The following KTN1 variants were observed in gnomAD, a reference collection of about 807,000 sequenced individuals.
The protein encoded by KTN1 is kinectin.
A neutral mutation model predicts 222.5 loss-of-function variants in KTN1; 130 were observed. The observed-to-expected ratio is 0.58, with a 90% CI of 0.51 to 0.68. The LOEUF (loss-of-function observed/expected upper bound fraction) is 0.68. KTN1 is among the 30% of genes least tolerant of loss of function. KTN1 has a pLI of 0.00. For synonymous variants in KTN1, 512 were observed against 496.3 expected, an observed-to-expected ratio of 1.03 and a Z score of -0.42; for missense variants, 1,508 against 1,500.4, an observed-to-expected ratio of 1.01 and a Z score of -0.08.
At chr14:55,630,225 C>G in intron 7 of KTN1, 128 bp downstream of exon 7, 1 of 811,598 alleles carries the variant, frequency 1.2e-6, no homozygotes, top group Non-Finnish European at 2.0e-6. Context: ...GAAGTTCACT[C>G]TGCGTCCTAA....
chr14:55,641,176 C>A lies in KTN1; in HGVS notation c.2071C>A (p.His691Asn). The A allele has an allele frequency of 2.5e-6, 4 of 1,597,778 alleles. No homozygotes were observed. ...KIRLLEEQLQ[H>N]EISNKMEEFK... is the part of the protein sequence containing the mutation. ...AAGATTGCTGGAAGAGCAACTACAA[C>A]ATGAAATTTCAAACAAAATGGAAGA... The change falls in exon 17 of 44, where the codon CAT (histidine) becomes AAT (asparagine). Residue 691 changes from histidine (H) to asparagine (N), a missense_variant. By Grantham distance (68) the His-to-Asn change is moderately conservative. Transcript: ENST00000395314.
chr14:55,678,215 A>G (rs967978137), intron 41 of KTN1, 137 bp from the exon 42 acceptor site: 15 of 594,366 alleles, frequency 2.5e-5, no homozygotes, highest in East Asian at 2.0e-4. Flanking sequence ...GGGTGAAGCT[A>G]TTTTCATTTT....
intron 1 of KTN1, among the ~76,000 whole-genome samples, chr14:55,597,822 C>G (rs190829534): frequency 6.6e-6 from 1 of 151,856 alleles, no homozygotes; most frequent in Admixed American, 6.6e-5. Flanking sequence ...CCACTGCATT[C>G]CAGTCTAGGC....
intron 35 of KTN1, 134 bp from the exon 36 acceptor site, chr14:55,671,432 G>T: frequency 1.6e-6 from 1 of 617,538 alleles, no homozygotes; most frequent in Non-Finnish European, 2.8e-6. Context: ...ACTTAGAAAG[G>T]TTGAAATGTA....
At chr14:55,656,946 A>T (rs2043547444) in intron 29 of KTN1, among the ~76,000 whole-genome samples, 3 of 152,184 alleles carry the variant, frequency 2.0e-5, no homozygotes. Context: ...TTTGTTTGTT[A>T]AAAGAGATAG....
intron 5 of KTN1, among the ~76,000 whole-genome samples, chr14:55,621,335 A>G (rs1594895781): frequency 6.6e-6 from 1 of 152,284 alleles, no homozygotes; most frequent in East Asian, 1.9e-4. Context: ...GTAAAGTCAC[A>G]TCCACATTTT....
At chr14:55,644,184 G>T in intron 18 of KTN1, 9 of 405,082 alleles carry the variant, frequency 2.2e-5, no homozygotes, top group East Asian at 7.4e-5. Flanking sequence ...TATTGTTGCT[G>T]CTAGTGAAAG....
chr14:55,677,602 A>G (rs1179255778), intron 41 of KTN1, among the ~76,000 whole-genome samples: 1 of 152,224 alleles, frequency 6.6e-6, no homozygotes, highest in Non-Finnish European at 1.5e-5. Context: ...AGGGATCTAA[A>G]CTAGGGGTGG....
intron 5 of KTN1, among the ~76,000 whole-genome samples, chr14:55,620,971 A>G (rs2039057665): frequency 6.6e-6 from 1 of 151,972 alleles, no homozygotes; most frequent in African/African-American, 2.4e-5. Flanking sequence ...CCCTCTTAAA[A>G]CTGAATGCTG....
chr14:55,582,533 GACACGTAGAAT>G (rs2031931385), intron 1 of KTN1, among the ~76,000 whole-genome samples: 1 of 152,126 alleles, frequency 6.6e-6, no homozygotes, highest in Non-Finnish European at 1.5e-5. Flanking sequence ...TGGTTAAGAT[GACACGTAGAAT>G]ACTGAATCAT....
At chr14:55,664,322 G>A (rs960924187) in intron 33 of KTN1, among the ~76,000 whole-genome samples, 1 of 152,082 alleles carries the variant, frequency 6.6e-6, no homozygotes, top group African/African-American at 2.4e-5. Flanking sequence ...CAGACAATAT[G>A]CGCCTTTTGG....
chr14:55,603,827 C>T (rs1180540032), intron 1 of KTN1, among the ~76,000 whole-genome samples: 3 of 152,198 alleles, frequency 2.0e-5, no homozygotes, highest in Non-Finnish European at 4.4e-5. Flanking sequence ...TCCCCTATCT[C>T]AGTAAAGGGC....
In KTN1 at chr14:55,677,083, A is replaced by C. The variant is rs144535769; in HGVS notation, c.3855+1165A>C. ...ATATACCATCTTATTTACAGTAGCT[A>C]AGATGGCAATGATAGGTGACAGTTA... On this transcript the variant is annotated intron_variant, in intron 41 of 43. Coordinates refer to ENST00000395314, the MANE Select transcript of KTN1 (RefSeq NM_001079521.2). Among the ~76,000 whole-genome samples, 876 of 152,350 alleles carry C rather than the reference A, an allele frequency of 5.7e-3. 6 individuals carry two copies. Among genetic ancestry groups the C allele is most frequent in the African/African-American group, 0.02 (844 of 41,576 alleles).
chr14:55,675,991 C>A, intron 41 of KTN1, 73 bp downstream of exon 41: 1 of 931,782 alleles, frequency 1.1e-6, no homozygotes. Context: ...CAAACTTATG[C>A]TGCTAATTCT....
At chr14:55,594,208 GT>G (rs146612366) in intron 1 of KTN1, among the ~76,000 whole-genome samples, 11,662 of 152,106 alleles carry the variant, frequency 0.077, 492 homozygotes, top group South Asian at 0.12. Flanking sequence ...AGGCTTACTT[GT>G]TTTTTGAATC....
At chr14:55,671,483 A>G in intron 35 of KTN1, 83 bp from the exon 36 acceptor site, 1 of 881,988 alleles carries the variant, frequency 1.1e-6, no homozygotes, top group South Asian at 1.6e-5. Context: ...TTATCATAAT[A>G]CAGTATTAAG....
rs1336753364 is a variant in KTN1, at chr14:55,648,948, C to T, written c.2367+78C>T. 42 of 996,974 alleles carry T rather than the reference C, an allele frequency of 4.2e-5. 1 individual carries two copies. Among genetic ancestry groups the T allele is most frequent in the Non-Finnish European group, 5.2e-5 (34 of 649,958 alleles). 61.8% of individuals were successfully genotyped at this position (996,974 alleles called of 1,614,324 possible). On this transcript the variant is annotated intron_variant, in intron 21 of 43. Coordinates refer to ENST00000395314, the MANE Select transcript of KTN1 (RefSeq NM_001079521.2). ...TTTGTTGTTTTTAAATTAAAAGAAACGGGGTCTTGCTCTTTTGCCCAGGCT... is the reference window on the plus strand; with the variant it reads ...TTTGTTGTTTTTAAATTAAAAGAAATGGGGTCTTGCTCTTTTGCCCAGGCT...
chr14:55,648,913 T>C (rs1159736683), intron 21 of KTN1, 43 bp downstream of exon 21: 1 of 1,262,646 alleles, frequency 7.9e-7, no homozygotes, highest in South Asian at 1.3e-5. Flanking sequence ...CTGTGTTTTT[T>C]GTTTGTTTGT....
intron 5 of KTN1, among the ~76,000 whole-genome samples, chr14:55,620,531 G>A (rs2038994527): frequency 6.6e-6 from 1 of 152,202 alleles, no homozygotes; most frequent in South Asian, 2.1e-4. Context: ...TCTAGGCAGA[G>A]GTTTCCCAAA....
Sources: gnomAD v4.1 joint callset for allele counts (sites outside exome capture counted in the v4.1 genomes callset) on GRCh38, gnomAD v4.1.1 for gene constraint, MANE v1.5 for transcripts, NCBI Gene and HGNC (gene_info 2026-07-23, HGNC 2026-07-21) for gene names.